LAMA2: variants seen among roughly 807,000 people sequenced by gnomAD.
LAMA2 encodes laminin subunit alpha-2.
A neutral mutation model predicts 364.8 loss-of-function variants in LAMA2; 269 were observed. That is an observed-to-expected ratio of 0.74 (90% CI 0.67 to 0.82). LAMA2 has a LOEUF of 0.82. Among genes scored for constraint, LAMA2 ranks in the 40% least tolerant of loss-of-function variants. The pLI is 0.00. For synonymous variants in LAMA2, 1,379 were observed against 1,370.6 expected (o/e 1.01, Z -0.14); for missense variants, 3,807 against 3,873.2 (o/e 0.98, Z 0.45).
At chr6:128,965,961 T>C (rs2114606340) in intron 1 of LAMA2, among the ~76,000 whole-genome samples, 1 of 150,786 alleles carries the variant, frequency 6.6e-6, no homozygotes, top group South Asian at 2.1e-4. Context: ...CTTTGGAATA[T>C]TAACATGTAA....
rs12530129 is a variant in LAMA2, at chr6:129,453,905, T to A, written c.6574-250T>A. Among the ~76,000 whole-genome samples the A allele has an allele frequency of 0.15, 22,461 of 151,206 alleles. 1,773 individuals carry two copies. Among genetic ancestry groups the A allele is most frequent in the East Asian group, 0.21 (1,097 of 5,176 alleles). On this transcript the variant is annotated intron_variant, in intron 46 of 64. Coordinates refer to ENST00000421865, the MANE Select transcript of LAMA2 (RefSeq NM_000426.4). ...TTTGGTCTCAAAATTAGACTTAATT[T>A]GAATTGGTAAAATTAACAAACATGC...
In LAMA2 at chr6:129,427,807, G is replaced by C. The variant is rs758321892; in HGVS notation, c.5921G>C (p.Ser1974Thr). The change falls in exon 41 of 65, where the codon AGC becomes ACC. Residue 1974 changes from serine (S) to threonine (T), a missense_variant. Physicochemically the swap from Ser to Thr is moderately conservative, Grantham distance 58. Transcript: ENST00000421865. ...GATGCCAAAGGCTGTCTTCAGAAAA[G>C]CTTCAGGATTCTTAACGAAGCCAAG... ...KEDAKGCLQK[S>T]FRILNEAKKL... 1 of 1,613,904 alleles carries C rather than the reference G, an allele frequency of 6.2e-7. No homozygotes were observed. The highest frequency in any genetic ancestry group is 8.5e-7 in the Non-Finnish European group (1 of 1,179,894).
chr6:129,348,475 G>T (rs181354633), intron 30 of LAMA2, among the ~76,000 whole-genome samples: 1 of 151,868 alleles, frequency 6.6e-6, no homozygotes, highest in Non-Finnish European at 1.5e-5. Flanking sequence ...TTTATCTAAC[G>T]GGAATGCAGC....
intron 9 of LAMA2, among the ~76,000 whole-genome samples, chr6:129,167,528 A>G (rs551563322): frequency 3.3e-5 from 5 of 152,078 alleles, no homozygotes; most frequent in African/African-American, 4.8e-5. Flanking sequence ...TCCATGGTGT[A>G]TAAGTGCCAC....
At chr6:128,917,459 A>G (rs9482956) in intron 1 of LAMA2, among the ~76,000 whole-genome samples, 34,231 of 151,712 alleles carry the variant, frequency 0.23, 5,867 homozygotes, top group African/African-American at 0.48. Flanking sequence ...TTTATATATG[A>G]CCTATTAACC....
At chr6:129,406,207 A>G (rs762249279) in intron 40 of LAMA2, among the ~76,000 whole-genome samples, 10 of 152,294 alleles carry the variant, frequency 6.6e-5, no homozygotes, top group Non-Finnish European at 1.3e-4. Context: ...CTATATATAA[A>G]CACACATAGA....
At position 129,316,141 on chromosome 6, in the gene LAMA2, C is replaced by T. The variant is rs1774592015; in HGVS notation, c.4028C>T (p.Ala1343Val). ...GATATTCATTACATTCTTATCAAAG[C>T]TACTTATGGAAATTTCATGCGACAA... ...LYDIHYILIK[A>V]TYGNFMRQSR... The change falls in exon 27 of 65, where the codon GCT (alanine) becomes GTT (valine). Residue 1343 changes from alanine (A) to valine (V), a missense_variant. Transcript: ENST00000421865. 6.2e-7 allele frequency: 1 copy of T among 1,607,774 alleles called. No homozygotes were observed. Among genetic ancestry groups the T allele is most frequent in the East Asian group, 2.2e-5 (1 of 44,842 alleles).
intron 2 of LAMA2, among the ~76,000 whole-genome samples, chr6:129,051,048 A>G (rs1787963724): frequency 1.3e-5 from 2 of 152,060 alleles, no homozygotes; most frequent in Admixed American, 1.3e-4. Flanking sequence ...TGCTAAAATA[A>G]CATGAATGCT....
chr6:129,287,815 C>T (rs920452732), intron 18 of LAMA2, 32 bp from the exon 19 acceptor site: 5 of 1,573,160 alleles, frequency 3.2e-6, no homozygotes, highest in Non-Finnish European at 8.7e-7. Flanking sequence ...GAGGTCCCCC[C>T]AAAGGCTCAC....
At chr6:129,198,769 A>G (rs1337166358) in intron 12 of LAMA2, among the ~76,000 whole-genome samples, 1 of 152,174 alleles carries the variant, frequency 6.6e-6, no homozygotes, top group Admixed American at 6.5e-5. Flanking sequence ...ACAATTTAGA[A>G]AAAGGAATAT....
At chr6:129,406,172 A>G (rs1197365517) in intron 40 of LAMA2, among the ~76,000 whole-genome samples, 2 of 152,174 alleles carry the variant, frequency 1.3e-5, no homozygotes, top group Non-Finnish European at 2.9e-5. Context: ...ATCAACTTTG[A>G]TTTTTTAAAA....
intron 2 of LAMA2, among the ~76,000 whole-genome samples, chr6:129,056,119 G>T (rs10457515): frequency 0.27 from 41,130 of 151,950 alleles, 5,823 homozygotes; most frequent in African/African-American, 0.34. Context: ...GTATGTGTGT[G>T]TTTTTCTATC....
intron 54 of LAMA2, among the ~76,000 whole-genome samples, chr6:129,479,059 C>T (rs1388633571): frequency 6.6e-6 from 1 of 152,168 alleles, no homozygotes; most frequent in East Asian, 1.9e-4. Context: ...ATCATTAATA[C>T]TAATCTCTTT....
At chr6:129,455,040 T>C (rs1171933515) in intron 47 of LAMA2, among the ~76,000 whole-genome samples, 1 of 152,092 alleles carries the variant, frequency 6.6e-6, no homozygotes, top group East Asian at 1.9e-4. Flanking sequence ...TTTCATGCTG[T>C]TTGTAGATAC....
intron 27 of LAMA2, among the ~76,000 whole-genome samples, chr6:129,318,169 CTTTA>C (rs1249898552): frequency 2.0e-5 from 3 of 152,034 alleles, no homozygotes; most frequent in Admixed American, 6.6e-5. Context: ...AACCTTGTAT[CTTTA>C]TTTATTCAAT....
intron 3 of LAMA2, among the ~76,000 whole-genome samples, chr6:129,076,095 C>T (rs375294765): frequency 3.3e-5 from 5 of 151,446 alleles, no homozygotes; most frequent in African/African-American, 1.2e-4. Flanking sequence ...CAAAACAAAA[C>T]AAAAAAATTA....
chr6:128,954,449 A>G (rs1438306648), intron 1 of LAMA2, among the ~76,000 whole-genome samples: 7 of 152,074 alleles, frequency 4.6e-5, no homozygotes, highest in Non-Finnish European at 1.0e-4. Context: ...TAGGAAAATG[A>G]GATTCTATTT....
chr6:129,186,487 GTATT>G (rs60517505), intron 10 of LAMA2, among the ~76,000 whole-genome samples: 343 of 150,712 alleles, frequency 2.3e-3, no homozygotes, highest in South Asian at 6.7e-3. Flanking sequence ...TTTACTGTGT[GTATT>G]TATTTATTTA....
At chr6:129,192,539 C>T in intron 11 of LAMA2, 141 bp from the exon 12 acceptor site, 2 of 707,966 alleles carry the variant, frequency 2.8e-6, no homozygotes, top group Non-Finnish European at 4.9e-6. Flanking sequence ...ATTCATAATG[C>T]TCAGGTTTTT....
Sources: allele counts gnomAD v4.1 joint callset (sites outside exome capture counted in the v4.1 genomes callset), GRCh38; gene constraint gnomAD v4.1.1; transcripts MANE v1.5; gene names NCBI Gene and HGNC (gene_info 2026-07-23, HGNC 2026-07-21).